TMPRSS6: variants seen among roughly 807,000 people sequenced by gnomAD.
TMPRSS6 encodes transmembrane protease serine 6.
A neutral mutation model predicts 101.5 loss-of-function variants in TMPRSS6; 67 were observed. The observed-to-expected ratio is 0.66, with a 90% CI of 0.54 to 0.81. The LOEUF (loss-of-function observed/expected upper bound fraction) is 0.81. TMPRSS6 is among the 30% of genes least tolerant of loss of function. TMPRSS6 has a pLI of 0.00. For missense variants in TMPRSS6, 1,034 were observed against 1,088.7 expected, an observed-to-expected ratio of 0.95 and a Z score of 0.71; for synonymous variants, 453 against 464.9, an observed-to-expected ratio of 0.97 and a Z score of 0.33.
At position 37,070,984 on chromosome 22, in the gene TMPRSS6, A is replaced by G; in HGVS notation, c.1604T>C (p.Val535Ala). Reference sequence around the variant, plus strand: ...ATCACACTGCGGGTTGGGCTTCTTCACGCAGCTCCGGTCCTCACACTGGAA... The same window carrying G: ...ATCACACTGCGGGTTGGGCTTCTTCGCGCAGCTCCGGTCCTCACACTGGAA... ...FTFQCEDRSC[V>A]KKPNPQCDGR... is the part of the protein sequence containing the mutation. The change falls in exon 14 of 18, where the codon GTG (valine) becomes GCG (alanine). Residue 535 changes from valine (V) to alanine (A), a missense_variant. Physicochemically the swap from Val to Ala is moderately conservative, Grantham distance 64. Coordinates refer to ENST00000676104, the MANE Select transcript of TMPRSS6 (RefSeq NM_001374504.1). 3.1e-6 allele frequency: 5 copies of G among 1,612,928 alleles called. No homozygotes were observed. The highest frequency in any genetic ancestry group is 4.2e-6 in the Non-Finnish European group (5 of 1,179,894).
intron 13 of TMPRSS6, 49 bp downstream of exon 13, chr22:37,073,483 C>T (rs748068524): frequency 2.2e-6 from 3 of 1,339,790 alleles, no homozygotes; most frequent in Admixed American, 1.7e-5. Context: ...TGTAGCAGGC[C>T]TAGACTGCCT....
chr22:37,070,861 G>T, intron 14 of TMPRSS6, 55 bp downstream of exon 14: 1 of 1,548,298 alleles, frequency 6.5e-7, no homozygotes, highest in Non-Finnish European at 8.9e-7. Context: ...GCTTCCTGCT[G>T]TGGGCACCCC....
chr22:37,078,973 A>AAAAGAAAGAAAGAAAAGAAAG (rs1928007730), intron 10 of TMPRSS6, among the ~76,000 whole-genome samples: 1 of 106,510 alleles, frequency 9.4e-6, no homozygotes, highest in Admixed American at 9.8e-5. Context: ...GAAAGAAAGA[A>AAAAGAAAGAAAGAAAAGAAAG]AAAGAAAGAA....
At position 37,103,280 on chromosome 22, in the gene TMPRSS6, G is replaced by A. The variant is rs1930476262; in HGVS notation, c.138C>T (p.Pro46=). ...CGAGCAGGGCCAGCAGCACAAACAG[G>A]GGCACCAGGCGGAGGTAGCCCCGGG... ...RKARGYLRLV[P]LFVLLALLVL... Residue 46 remains proline, a synonymous_variant, in exon 2 of 18, where the codon CCC becomes CCT. Transcript: ENST00000676104. The surrounding 1 kb of genome is among the most constrained non-coding windows in gnomAD (Gnocchi z 4.4). The A allele has an allele frequency of 2.2e-5, 36 of 1,614,108 alleles. No individual in the cohort carries two copies. Among genetic ancestry groups the A allele is most frequent in the Non-Finnish European group, 3.1e-5 (36 of 1,179,984 alleles).
intron 15 of TMPRSS6, among the ~76,000 whole-genome samples, chr22:37,070,242 A>G (rs1358871730): frequency 6.6e-6 from 1 of 152,186 alleles, no homozygotes; most frequent in Non-Finnish European, 1.5e-5. Flanking sequence ...AGATGAATGA[A>G]TGAATTACTG....
chr22:37,091,946 A>C (rs1929300995), intron 6 of TMPRSS6, among the ~76,000 whole-genome samples: 1 of 152,196 alleles, frequency 6.6e-6, no homozygotes, highest in African/African-American at 2.4e-5. Context: ...TGACCTCCCC[A>C]GAGAGAGAAC....
In TMPRSS6 at chr22:37,066,869, A is replaced by G; in HGVS notation, c.2207T>C (p.Met736Thr). ...GCCCTTGCGGTAGCCGGCACACAGC[A>G]TGCGTGGCGTCACCTGGTAGCGATA... Reference protein sequence around the residue: ...EVYRYQVTPRMLCAGYRKGKK... With the variant: ...EVYRYQVTPRTLCAGYRKGKK... Residue 736 changes from methionine (M) to threonine (T), a missense_variant, in exon 17 of 18, where the codon ATG becomes ACG. By Grantham distance (81) the Met-to-Thr change is moderately conservative. Transcript: ENST00000676104. 1 of 1,614,142 alleles carries G rather than the reference A, an allele frequency of 6.2e-7. No individual in the cohort carries two copies.
At chr22:37,107,040 C>T (rs577265694) in intron 1 of TMPRSS6, among the ~76,000 whole-genome samples, 11 of 152,356 alleles carry the variant, frequency 7.2e-5, no homozygotes, top group African/African-American at 2.4e-4. Flanking sequence ...CCCCATGGAA[C>T]GCCGCACAGC....
intron 8 of TMPRSS6, among the ~76,000 whole-genome samples, chr22:37,085,793 G>A (rs910841400): frequency 1.4e-4 from 21 of 152,230 alleles, no homozygotes; most frequent in East Asian, 3.9e-4. Context: ...AGCTCCCTGC[G>A]CCCTCTTGGC....
chr22:37,110,324 G>T (rs1258629538), upstream of TMPRSS6, among the ~76,000 whole-genome samples: 3 of 151,784 alleles, frequency 2.0e-5, no homozygotes, highest in Non-Finnish European at 4.4e-5. Flanking sequence ...CATAATTTTA[G>T]AAGAGATGGG....
At position 37,098,981 on chromosome 22, in the gene TMPRSS6, C is replaced by T. The variant is rs114463102; in HGVS notation, c.203-432G>A. On this transcript the variant is annotated intron_variant, in intron 2 of 17. Transcript: ENST00000676104. Reference sequence around the variant, plus strand: ...CTAACCACCTACTACATGGGGTACGCCAGTTAACCAAGACAGATGTGCCTC... The same window carrying T: ...CTAACCACCTACTACATGGGGTACGTCAGTTAACCAAGACAGATGTGCCTC... Among the ~76,000 whole-genome samples, 427 of 152,330 alleles carry T rather than the reference C, an allele frequency of 2.8e-3. 2 individuals are homozygous for T. The highest frequency in any genetic ancestry group is 0.01 in the African/African-American group (418 of 41,560).
At chr22:37,083,395 C>G (rs1053868284) in intron 10 of TMPRSS6, among the ~76,000 whole-genome samples, 2 of 152,218 alleles carry the variant, frequency 1.3e-5, no homozygotes, top group African/African-American at 4.8e-5. Context: ...ATTACCTGCA[C>G]CTGAGCCTCC....
intron 10 of TMPRSS6, among the ~76,000 whole-genome samples, chr22:37,078,897 T>G (rs1242119623): frequency 7.0e-5 from 8 of 114,322 alleles, no homozygotes; most frequent in Admixed American, 2.0e-4. Context: ...AAAAGGAGAA[T>G]AAGGAAGAAG....
At chr22:37,092,519 T>C (rs994524161) in intron 6 of TMPRSS6, among the ~76,000 whole-genome samples, 23 of 150,370 alleles carry the variant, frequency 1.5e-4, no homozygotes, top group Middle Eastern at 3.5e-3. Context: ...TTTTTTTTAA[T>C]GGAATTTGCT....
chr22:37,089,544 G>GGCCACC, intron 7 of TMPRSS6, 34 bp downstream of exon 7: 2 of 1,348,866 alleles, frequency 1.5e-6, no homozygotes, highest in Non-Finnish European at 1.0e-6. Flanking sequence ...CCCTTTTCCA[G>GGCCACC]CCCTCCCTCC....
At chr22:37,081,228 C>T (rs1029659962) in intron 10 of TMPRSS6, among the ~76,000 whole-genome samples, 4 of 152,240 alleles carry the variant, frequency 2.6e-5, no homozygotes, top group African/African-American at 7.2e-5. Flanking sequence ...TGCACTTGAC[C>T]TAAGCCCGCG....
intron 8 of TMPRSS6, 37 bp from the exon 9 acceptor site, chr22:37,084,876 TG>T: frequency 6.6e-7 from 1 of 1,505,020 alleles, no homozygotes; most frequent in Non-Finnish European, 9.0e-7. Flanking sequence ...AGGGGTCCCC[TG>T]GCTGCACCTC....
At position 37,101,659 on chromosome 22, in the gene TMPRSS6, C is replaced by T. The variant is rs986599171; in HGVS notation, c.202+1557G>A. ...CCCTCTGTGGGGGAGTTGGCTTCCC[C>T]CAGCAGAGGCTTGGGAGCACTCACC... On this transcript the variant is annotated intron_variant, in intron 2 of 17. Transcript: ENST00000676104. The surrounding 1 kb of genome is among the most constrained non-coding windows in gnomAD (Gnocchi z 4.1). 2.0e-5 allele frequency among the ~76,000 whole-genome samples: 3 copies of T among 152,134 alleles called. No homozygotes were observed. Among genetic ancestry groups the T allele is most frequent in the Non-Finnish European group, 4.4e-5 (3 of 68,014 alleles).
chr22:37,069,798 G>A lies in TMPRSS6; in HGVS notation c.1842-454C>T, dbSNP rs1052670114. Among the ~76,000 whole-genome samples the A allele has an allele frequency of 2.6e-5, 4 of 152,334 alleles. No individual in the cohort carries two copies. In the East Asian group the frequency reaches 7.7e-4, roughly 29 times the overall value. On this transcript the variant is annotated intron_variant, in intron 15 of 17. Transcript: ENST00000676104. This position sits in a 1 kb window ranked among gnomAD's most constrained non-coding sequence, Gnocchi z 4.8. ...TGGGGAGCGGGTGGGAGTTGAGCGT[G>A]GAGGAATTGGACTGCGGCAGTCAGC...
Sources: gnomAD v4.1 joint callset for allele counts (sites outside exome capture counted in the v4.1 genomes callset) on GRCh38, gnomAD v4.1.1 for gene constraint, Gnocchi (gnomAD v3.1) non-coding constraint, MANE v1.5 for transcripts, NCBI Gene and HGNC (gene_info 2026-07-23, HGNC 2026-07-21) for gene names.